Variants in FBN1 observed in about 807,000 individuals in gnomAD.
FBN1 encodes the protein fibrillin-1.
A neutral mutation model predicts 365.1 loss-of-function variants in FBN1; 29 were observed. That is an observed-to-expected ratio of 0.08 (90% CI 0.06 to 0.11). The LOEUF (loss-of-function observed/expected upper bound fraction) is 0.11. FBN1 is among the 10% of genes least tolerant of loss of function. The pLI is 1.00. For synonymous variants in FBN1, 1,210 were observed against 1,270.5 expected (o/e 0.95, Z 1.01); for missense variants, 2,476 against 3,703.2 (o/e 0.67, Z 8.60).
At chr15:48,594,274 C>G (rs566787409) in intron 6 of FBN1, among the ~76,000 whole-genome samples, 24 of 152,220 alleles carry the variant, frequency 1.6e-4, no homozygotes, top group African/African-American at 5.5e-4. Context: ...GGGACTGTAC[C>G]CGTGGGTAAA....
At chr15:48,509,028 TA>T (rs1404480785) in intron 14 of FBN1, among the ~76,000 whole-genome samples, 1 of 152,210 alleles carries the variant, frequency 6.6e-6, no homozygotes, top group African/African-American at 2.4e-5. Flanking sequence ...AATGTGCTAA[TA>T]GCCTAGTGGG....
chr15:48,634,629 A>C (rs1170070783), intron 2 of FBN1, among the ~76,000 whole-genome samples: 1 of 152,092 alleles, frequency 6.6e-6, no homozygotes, highest in Non-Finnish European at 1.5e-5. Context: ...TTCCCAGGTA[A>C]AAATTTTGTA....
chr15:48,449,601 C>T (rs1026377613), intron 45 of FBN1, among the ~76,000 whole-genome samples: 5 of 152,048 alleles, frequency 3.3e-5, no homozygotes, highest in African/African-American at 1.2e-4. Context: ...ATCTGATTAT[C>T]TGAGGGGCAG....
rs368599541 is a variant in FBN1, at chr15:48,411,027, T to C, written c.8579A>G (p.Asp2860Gly). The change falls in exon 66 of 66, where the codon GAT (aspartate) becomes GGT (glycine). Residue 2860 changes from aspartate (D) to glycine (G), a missense_variant. By Grantham distance (94) the Asp-to-Gly change is moderately conservative. Transcript: ENST00000316623. Reference sequence around the variant, plus strand: ...AACCTGGATTTTCATCTTCAGATTATCACCCAGTTCACCACTGAGGTAGTC... The same window carrying C: ...AACCTGGATTTTCATCTTCAGATTACCACCCAGTTCACCACTGAGGTAGTC... ...DKDYLSGELG[D>G]NLKMKIQVLL... 2 of 1,613,924 alleles carry C rather than the reference T, an allele frequency of 1.2e-6. No individual in the cohort carries two copies. Among genetic ancestry groups the C allele is most frequent in the Non-Finnish European group, 1.7e-6 (2 of 1,179,964 alleles).
chr15:48,533,401 G>T (rs563474823), intron 8 of FBN1, among the ~76,000 whole-genome samples: 15 of 152,290 alleles, frequency 9.8e-5, no homozygotes, highest in Admixed American at 7.8e-4. Flanking sequence ...CTCTCACGAA[G>T]AAATTATGAC....
At chr15:48,472,754 T>C (rs2043388199) in intron 34 of FBN1, 78 bp from the exon 35 acceptor site, 10 of 1,600,746 alleles carry the variant, frequency 6.2e-6, no homozygotes, top group Non-Finnish European at 7.7e-6. Context: ...AACTTTCCAG[T>C]GCAGCAATGT....
intron 2 of FBN1, among the ~76,000 whole-genome samples, chr15:48,616,747 C>T (rs547778923): frequency 1.3e-5 from 2 of 152,088 alleles, no homozygotes; most frequent in African/African-American, 2.4e-5. Flanking sequence ...CACACAAAGT[C>T]GGATTTAAAG....
intron 2 of FBN1, among the ~76,000 whole-genome samples, chr15:48,621,905 G>GGA (rs1437708882): frequency 6.6e-6 from 1 of 151,820 alleles, no homozygotes. Context: ...GGCTGAGGCA[G>GGA]GAGAATGGTG....
At chr15:48,644,364 T>C in intron 2 of FBN1, 1 of 597,780 alleles carries the variant, frequency 1.7e-6, no homozygotes, top group Non-Finnish European at 3.0e-6. Context: ...TCCCAAAATC[T>C]GCCTCAACAA....
At chr15:48,464,082 A>T (rs963598604) in intron 40 of FBN1, 61 bp from the exon 41 acceptor site, 14 of 1,525,752 alleles carry the variant, frequency 9.2e-6, no homozygotes, top group Non-Finnish European at 1.2e-5. Context: ...GAATGGCCTG[A>T]TACTTAATGA....
rs535580037 is a variant in FBN1 at position 48,514,732 on chromosome 15, C to T, written c.1468+655G>A. Reference sequence around the variant, plus strand: ...TTCCATAATTTGGGGATATTTTTAACGCTTTCTTTTAATGGTAGGGCTTTT... The same window carrying T: ...TTCCATAATTTGGGGATATTTTTAATGCTTTCTTTTAATGGTAGGGCTTTT... On this transcript the variant is annotated intron_variant, in intron 12 of 65. Transcript: ENST00000316623. Among the ~76,000 whole-genome samples, 19 of 152,190 alleles carry T rather than the reference C, an allele frequency of 1.2e-4. No homozygotes were observed. In the East Asian group the frequency reaches 1.4e-3, roughly 11 times the overall value.
intron 6 of FBN1, among the ~76,000 whole-genome samples, chr15:48,561,883 C>T (rs1427049250): frequency 1.3e-5 from 2 of 151,618 alleles, no homozygotes; most frequent in Non-Finnish European, 2.9e-5. Flanking sequence ...ATAGCTTTCC[C>T]TGGAAATGGG....
chr15:48,480,812 C>T (rs2043459882), intron 32 of FBN1, among the ~76,000 whole-genome samples: 1 of 152,100 alleles, frequency 6.6e-6, no homozygotes, highest in Non-Finnish European at 1.5e-5. Context: ...AGAAATTATT[C>T]AGTTACCTAA....
chr15:48,644,625 C>T lies in FBN1; in HGVS notation c.145G>A (p.Gly49Arg). 1 of 1,613,796 alleles carries T rather than the reference C, an allele frequency of 6.2e-7. No individual in the cohort carries two copies. Among genetic ancestry groups the T allele is most frequent in the Non-Finnish European group, 8.5e-7 (1 of 1,180,016 alleles). ...ASRAKRRGGGGHDALKGPNVC... is the reference protein window; with the variant it reads ...ASRAKRRGGGRHDALKGPNVC... ...CTTTACCCTTTAAGCGCGTCGTGTC[C>T]TCCACCGCCTCTTCTCTTGGCCCGA... The change falls in exon 2 of 66, where the codon GGA becomes AGA. Residue 49 changes from glycine to arginine, a missense_variant. Transcript: ENST00000316623.
rs140587 is a variant in FBN1, at chr15:48,488,156, G to A, written c.3294C>T (p.Asp1098=). ...NTPGDFECKC[D]EGYESGFMMM... is the part of the protein sequence containing the mutation. ...TCATGAATCCACTTTCATAGCCTTCGTCACACTTGCATTCAAAGTCCCCAG... is the reference window on the plus strand; with the variant it reads ...TCATGAATCCACTTTCATAGCCTTCATCACACTTGCATTCAAAGTCCCCAG... The change falls in exon 27 of 66, where the codon GAC becomes GAT. Residue 1098 remains aspartate, a synonymous_variant. Coordinates refer to ENST00000316623, the MANE Select transcript of FBN1 (RefSeq NM_000138.5). The A allele has an allele frequency of 8.1e-3, 13,096 of 1,614,056 alleles. 111 individuals carry two copies. The highest frequency in any genetic ancestry group is 8.5e-3 in the Non-Finnish European group (10,006 of 1,179,992).
intron 10 of FBN1, among the ~76,000 whole-genome samples, chr15:48,520,423 T>C (rs559675216): frequency 6.6e-6 from 1 of 152,256 alleles, no homozygotes; most frequent in Non-Finnish European, 1.5e-5. Context: ...AAGGTTTCTG[T>C]TTAGTAGTAA....
chr15:48,523,574 T>C (rs1194405296), intron 9 of FBN1, among the ~76,000 whole-genome samples: 1 of 152,228 alleles, frequency 6.6e-6, no homozygotes, highest in African/African-American at 2.4e-5. Context: ...CTTATAATTT[T>C]AATGAAAACC....
chr15:48,417,722 G>A (rs2042913454), intron 63 of FBN1, among the ~76,000 whole-genome samples: 1 of 152,044 alleles, frequency 6.6e-6, no homozygotes, highest in Non-Finnish European at 1.5e-5. Context: ...TTAAATTGAG[G>A]ACGAAGTGTG....
At chr15:48,474,095 C>T (rs2043399298) in intron 34 of FBN1, among the ~76,000 whole-genome samples, 160 bp downstream of exon 34, 1 of 152,076 alleles carries the variant, frequency 6.6e-6, no homozygotes, top group African/African-American at 2.4e-5. Context: ...CCTAATTGAC[C>T]TGGTTCCAAT....
Sources: gnomAD v4.1 joint callset for allele counts (sites outside exome capture counted in the v4.1 genomes callset) on GRCh38, gnomAD v4.1.1 for gene constraint, MANE v1.5 for transcripts, NCBI Gene and HGNC (gene_info 2026-07-23, HGNC 2026-07-21) for gene names.